FAM83G: variants seen among roughly 807,000 people sequenced by gnomAD.
FAM83G encodes scaffolding CK1 anchoring protein G.
FAM83G carries 38 observed loss-of-function variants against 61.5 expected under a neutral mutation model. That is an observed-to-expected ratio of 0.62 (90% CI 0.48 to 0.81). The LOEUF is 0.81. Ranked by LOEUF, FAM83G falls within the 30% of genes least tolerant of loss-of-function variation. The probability of loss-of-function intolerance (pLI) is 0.00; values close to 1 mark genes in which losing one functional copy is unlikely to be tolerated. For missense variants in FAM83G, 989 were observed against 1,133.6 expected (o/e 0.87, Z 1.83); for synonymous variants, 470 against 476.1 (o/e 0.99, Z 0.17).
At position 18,978,342 on chromosome 17, in the gene FAM83G, T is replaced by C; in HGVS notation, c.1324A>G (p.Ser442Gly). The C allele has an allele frequency of 6.2e-7, 1 of 1,603,778 alleles. No individual in the cohort carries two copies. The highest frequency in any genetic ancestry group is 8.5e-7 in the Non-Finnish European group (1 of 1,175,540). The stretch of plus-strand genomic sequence containing the variant: ...CGGATCTTGATGCGGTTCATCTGGC[T>C]GGGCTGGGGGTTCCAGATGTTGGGG... ...IDPNIWNPQPSQMNRIKIRDT... is the reference protein window; with the variant it reads ...IDPNIWNPQPGQMNRIKIRDT... The change falls in exon 5 of 6, where the codon AGC becomes GGC. Residue 442 changes from serine to glycine, a missense_variant. This residue lies in a region of FAM83G where 574 missense variants were observed against 645.1 expected (regional missense o/e 0.89). Transcript: ENST00000388995.
intron 3 of FAM83G, among the ~76,000 whole-genome samples, chr17:18,984,809 G>A (rs1483385021): frequency 6.6e-6 from 1 of 152,246 alleles, no homozygotes; most frequent in Non-Finnish European, 1.5e-5. Context: ...GTCAGTGAAA[G>A]TTCTGGCCCT....
At chr17:18,989,827 C>G (rs1388424782) in intron 2 of FAM83G, among the ~76,000 whole-genome samples, 1 of 152,230 alleles carries the variant, frequency 6.6e-6, no homozygotes, top group Non-Finnish European at 1.5e-5. Flanking sequence ...GGTTGTAAGG[C>G]TTGTTGGATG....
At chr17:18,988,563 G>T in intron 2 of FAM83G, 149 bp from the exon 3 acceptor site, 1 of 1,331,342 alleles carries the variant, frequency 7.5e-7, no homozygotes, top group East Asian at 2.5e-5. Flanking sequence ...CCGGGACCAG[G>T]AAGTGAGGGG....
chr17:18,971,109 G>A lies in FAM83G; in HGVS notation c.*250C>T, dbSNP rs1391200802. Reference sequence around the variant, plus strand: ...GCCAACACCACCTGCCACCTGCCACGTACAGACGCCATGCACATGTTTCGA... The same window carrying A: ...GCCAACACCACCTGCCACCTGCCACATACAGACGCCATGCACATGTTTCGA... On this transcript the variant is annotated 3_prime_UTR_variant, in exon 6 of 6. Transcript: ENST00000388995. The surrounding 1 kb of genome is among the most constrained non-coding windows in gnomAD (Gnocchi z 5.5). The A allele has an allele frequency of 2.5e-6, 4 of 1,614,078 alleles. No homozygotes were observed. The highest frequency in any genetic ancestry group is 3.3e-5 in the Admixed American group (2 of 60,024).
At chr17:18,986,790 G>A (rs920046385) in intron 3 of FAM83G, among the ~76,000 whole-genome samples, 2 of 152,230 alleles carry the variant, frequency 1.3e-5, no homozygotes, top group Non-Finnish European at 2.9e-5. Flanking sequence ...GCAGGGGTAC[G>A]GTGCTGGTGG....
chr17:18,987,023 C>T (rs1022374136), intron 3 of FAM83G, among the ~76,000 whole-genome samples: 5 of 152,212 alleles, frequency 3.3e-5, no homozygotes, highest in Admixed American at 6.5e-5. Flanking sequence ...AGAGACTCAC[C>T]ACGGAGTGCT....
intron 5 of FAM83G, among the ~76,000 whole-genome samples, chr17:18,975,067 T>C (rs552939567): frequency 6.6e-6 from 1 of 152,254 alleles, no homozygotes; most frequent in South Asian, 2.1e-4. Context: ...TGAGCACAGA[T>C]TGGAATATAG....
At position 18,988,256 on chromosome 17, in the gene FAM83G, C is replaced by T; in HGVS notation, c.681G>A (p.Gly227=). 6.2e-7 allele frequency: 1 copy of T among 1,609,590 alleles called. No individual in the cohort carries two copies. Among genetic ancestry groups the T allele is most frequent in the Non-Finnish European group, 8.5e-7 (1 of 1,176,382 alleles). The change falls in exon 3 of 6, where the codon GGG becomes GGA. Residue 227 remains glycine, a synonymous_variant. Coordinates refer to ENST00000388995, the MANE Select transcript of FAM83G (RefSeq NM_001039999.3). Reference sequence around the variant, plus strand: ...TGAGGAGCCTGCTCACCTTGAGGTGCCCCAGGTGCATGCAGGCCCGCTCAC... The same window carrying T: ...TGAGGAGCCTGCTCACCTTGAGGTGTCCCAGGTGCATGCAGGCCCGCTCAC... ...HMCERACMHL[G]HLKNLRVRSS...
At position 19,003,455 on chromosome 17, in the gene FAM83G, C is replaced by T; in HGVS notation, c.522+65G>A. 1 of 1,478,146 alleles carries T rather than the reference C, an allele frequency of 6.8e-7. No individual in the cohort carries two copies. The highest frequency in any genetic ancestry group is 9.0e-7 in the Non-Finnish European group (1 of 1,112,148). 91.6% of individuals were successfully genotyped at this position (1,478,146 alleles called of 1,614,324 possible). On this transcript the variant is annotated intron_variant, in intron 2 of 5. Coordinates refer to ENST00000388995, the MANE Select transcript of FAM83G (RefSeq NM_001039999.3). This position sits in a 1 kb window ranked among gnomAD's most constrained non-coding sequence, Gnocchi z 4.5. ...GCTCCCGTTTTGGGCTCTGAGTGAG[C>T]CTGTATTGAGAGGGGTCCGGTGGCT...
intron 3 of FAM83G, among the ~76,000 whole-genome samples, chr17:18,987,153 C>A (rs761515279): frequency 6.6e-6 from 1 of 152,198 alleles, no homozygotes; most frequent in Non-Finnish European, 1.5e-5. Context: ...ACTGGCGGTG[C>A]CCCTTCTCCT....
chr17:18,991,366 T>TG (rs1428413583), intron 2 of FAM83G, among the ~76,000 whole-genome samples: 1 of 152,224 alleles, frequency 6.6e-6, no homozygotes, highest in African/African-American at 2.4e-5. Context: ...AATGGGGGTG[T>TG]GGGCCTGGCT....
chr17:18,977,059 C>A (rs769070332), intron 5 of FAM83G: 5 of 1,586,436 alleles, frequency 3.2e-6, no homozygotes, highest in Non-Finnish European at 4.3e-6. Flanking sequence ...GTCCTGCAAA[C>A]GTCACCAGAA....
chr17:18,984,074 G>A (rs1234812452), intron 3 of FAM83G, among the ~76,000 whole-genome samples: 2 of 152,196 alleles, frequency 1.3e-5, no homozygotes, highest in Non-Finnish European at 2.9e-5. Flanking sequence ...CGGGCGCGGT[G>A]GCTCACGCCT....
rs75617750 is a variant in FAM83G at position 18,973,321 on chromosome 17, T to C, written c.2083-1573A>G. ...CATGTCCTGGCCTTGGGGTCAGGGT[T>C]GGGCAGGCCCCACTGCACAGATAAG... On this transcript the variant is annotated intron_variant, in intron 5 of 5. Transcript: ENST00000388995. Among the ~76,000 whole-genome samples the C allele has an allele frequency of 6.2e-3, 938 of 152,260 alleles. 14 individuals are homozygous for C. The highest frequency in any genetic ancestry group is 0.022 in the African/African-American group (897 of 41,546).
At chr17:18,977,239 C>T (rs1046792609) in intron 5 of FAM83G, 15 of 601,176 alleles carry the variant, frequency 2.5e-5, no homozygotes, top group Admixed American at 3.1e-5. Context: ...CCCTGTGCCC[C>T]GCCTTTTCCT....
At chr17:18,973,005 G>A (rs2042893575) in intron 5 of FAM83G, among the ~76,000 whole-genome samples, 1 of 152,226 alleles carries the variant, frequency 6.6e-6, no homozygotes, top group Non-Finnish European at 1.5e-5. Flanking sequence ...CTCACAAGCT[G>A]CCCACATCCG....
In FAM83G at chr17:19,003,782, G is replaced by A. The variant is rs1235991381; in HGVS notation, c.260C>T (p.Ser87Phe). Residue 87 changes from serine (S) to phenylalanine (F), a missense_variant, in exon 2 of 6, where the codon TCT (serine) becomes TTT (phenylalanine). Ser to Phe is a radical substitution (Grantham distance 155, BLOSUM62 -2). This residue lies in a region of FAM83G where 371 missense variants were observed against 404.5 expected (regional missense o/e 0.92). Coordinates refer to ENST00000388995, the MANE Select transcript of FAM83G (RefSeq NM_001039999.3). The surrounding 1 kb of genome is among the most constrained non-coding windows in gnomAD (Gnocchi z 4.5). ...GSEDPRGTGP[S>F]QGPEDNGVGD... ...GACCCCATTGTCCTCGGGCCCCTGA[G>A]AGGGGCCCGTGCCCCGAGGGTCCTC... 2 of 1,611,638 alleles carry A rather than the reference G, an allele frequency of 1.2e-6. No individual in the cohort carries two copies. Among genetic ancestry groups the A allele is most frequent in the Non-Finnish European group, 1.7e-6 (2 of 1,179,318 alleles).
intron 3 of FAM83G, among the ~76,000 whole-genome samples, chr17:18,981,521 G>A (rs1467927379): frequency 6.6e-6 from 1 of 152,154 alleles, no homozygotes; most frequent in African/African-American, 2.4e-5. Context: ...TGAATGCTAT[G>A]GGAGAGGAGG....
At position 18,971,027 on chromosome 17, in the gene FAM83G, G is replaced by A. The variant is rs775353427; in HGVS notation, c.*332C>T. On this transcript the variant is annotated 3_prime_UTR_variant, in exon 6 of 6. Transcript: ENST00000388995. The surrounding 1 kb of genome is among the most constrained non-coding windows in gnomAD (Gnocchi z 5.5). ...GACCCCTCCAGCTTTTGACCAGATC[G>A]GTGGTTACGGGCAGCTGGAGGCAGC... 27 of 1,613,824 alleles carry A rather than the reference G, an allele frequency of 1.7e-5. No individual in the cohort carries two copies. The highest frequency in any genetic ancestry group is 2.0e-5 in the Non-Finnish European group (24 of 1,180,028).
Sources: gnomAD v4.1 joint callset for allele counts (sites outside exome capture counted in the v4.1 genomes callset) on GRCh38, gnomAD v4.1.1 for gene constraint, gnomAD v4.1.1 regional missense constraint, Gnocchi (gnomAD v3.1) non-coding constraint, MANE v1.5 for transcripts, NCBI Gene and HGNC (gene_info 2026-07-23, HGNC 2026-07-21) for gene names.